PTPN6: variants seen among roughly 807,000 people sequenced by gnomAD.
PTPN6 encodes protein tyrosine phosphatase non-receptor type 6, also known as tyrosine-protein phosphatase non-receptor type 6.
Under a neutral mutation model 81.5 loss-of-function variants are expected in PTPN6, and 18 were observed. The ratio of observed to expected loss-of-function variants is 0.22; its 90% CI spans 0.15 to 0.33. The LOEUF (loss-of-function observed/expected upper bound fraction) is 0.33. Ranked by LOEUF, PTPN6 falls within the 10% of genes least tolerant of loss-of-function variation. PTPN6 has a pLI of 1.00. For missense variants in PTPN6, 500 were observed against 794.2 expected (o/e 0.63, Z 4.45); for synonymous variants, 301 against 310.9 (o/e 0.97, Z 0.33).
At chr12:6,950,709 G>A (rs1458432366), upstream of PTPN6, among the ~76,000 whole-genome samples, 1 of 152,172 alleles carries the variant, frequency 6.6e-6, no homozygotes, top group Non-Finnish European at 1.5e-5. Flanking sequence ...AGCCCCTTTG[G>A]ACAAGGAGGC....
chr12:6,956,189 G>A lies in PTPN6; in HGVS notation c.892G>A (p.Gly298Arg), dbSNP rs782595592. 1.2e-6 allele frequency: 2 copies of A among 1,614,174 alleles called. No individual in the cohort carries two copies. The highest frequency in any genetic ancestry group is 1.1e-5 in the South Asian group (1 of 91,084). ...GCAGGGACGGGACAGTAACATCCCC[G>A]GGTCCGACTACATCAATGCCAACTA... Reference protein sequence around the residue: ...ILQGRDSNIPGSDYINANYIK... With the variant: ...ILQGRDSNIPRSDYINANYIK... The change falls in exon 8 of 16, where the codon GGG becomes AGG. Residue 298 changes from glycine to arginine, a missense_variant. Coordinates refer to ENST00000318974, the MANE Select transcript of PTPN6 (RefSeq NM_002831.6). The surrounding 1 kb of genome is among the most constrained non-coding windows in gnomAD (Gnocchi z 4.1).
In PTPN6 at chr12:6,961,181, C is replaced by T; in HGVS notation, c.*81C>T. On this transcript the variant is annotated 3_prime_UTR_variant, in exon 16 of 16. Coordinates refer to ENST00000318974, the MANE Select transcript of PTPN6 (RefSeq NM_002831.6). ...CGATGGACAGACTCACAACCTGAAC[C>T]TAGGAGTGCCCCATTCTTTTGTAAT... 1 of 569,906 alleles carries T rather than the reference C, an allele frequency of 1.8e-6. No homozygotes were observed. The highest frequency in any genetic ancestry group is 3.1e-6 in the Non-Finnish European group (1 of 327,226). 35.3% of individuals were successfully genotyped at this position (569,906 alleles called of 1,614,324 possible). A position where few individuals can be genotyped will look rare whatever the true frequency, so the allele number is the denominator to read the frequency against.
chr12:6,950,062 G>A (rs113047371), upstream of PTPN6, among the ~76,000 whole-genome samples: 1,493 of 143,944 alleles, frequency 0.01, 19 homozygotes, highest in African/African-American at 0.039. Context: ...TTACAGGCGT[G>A]AGCCACTGCG....
At position 6,959,617 on chromosome 12, in the gene PTPN6, G is replaced by C; in HGVS notation, c.1362-310G>C. On this transcript the variant is annotated intron_variant, in intron 11 of 15. Coordinates refer to ENST00000318974, the MANE Select transcript of PTPN6 (RefSeq NM_002831.6). This position sits in a 1 kb window ranked among gnomAD's most constrained non-coding sequence, Gnocchi z 6.6. Reference sequence around the variant, plus strand: ...CCGGCAGGACAGTGGTGGGATTTGGGGGTCCCAGGTCTTCCGGGGTGGGGG... The same window carrying C: ...CCGGCAGGACAGTGGTGGGATTTGGCGGTCCCAGGTCTTCCGGGGTGGGGG... 5 of 546,796 alleles carry C rather than the reference G, an allele frequency of 9.1e-6. No homozygotes were observed. Among genetic ancestry groups the C allele is most frequent in the Non-Finnish European group, 1.7e-5 (5 of 302,866 alleles). 33.9% of individuals were successfully genotyped at this position (546,796 alleles called of 1,614,324 possible).
chr12:6,960,075 GC>G lies in PTPN6; in HGVS notation c.1430-7del, dbSNP rs782262531. 3.1e-6 allele frequency: 5 copies of G among 1,613,482 alleles called. No homozygotes were observed. The South Asian group carries it at 4.4e-5, about 14-fold the overall frequency. On this transcript the variant is annotated splice_polypyrimidine_tract_variant and intron_variant, in intron 12 of 15. Transcript: ENST00000318974. This position sits in a 1 kb window ranked among gnomAD's most constrained non-coding sequence, Gnocchi z 6.1. ...CTATGCCTGGACCTGAGGTTTGACT[GC>G]CCCCCACCCAGGCCTGGACTGTGAC...
chr12:6,954,167 C>A lies in PTPN6; in HGVS notation c.327-638C>A, dbSNP rs781875618. On this transcript the variant is annotated intron_variant, in intron 3 of 15. Coordinates refer to ENST00000318974, the MANE Select transcript of PTPN6 (RefSeq NM_002831.6). This position sits in a 1 kb window ranked among gnomAD's most constrained non-coding sequence, Gnocchi z 5.4. The stretch of plus-strand genomic sequence containing the variant: ...GACATCATCCAGGGCACCCCAGAAC[C>A]CCCTACACCACTCTTTCCCCAGTGG... 6.6e-6 allele frequency among the ~76,000 whole-genome samples: 1 copy of A among 152,024 alleles called. No individual in the cohort carries two copies. Among genetic ancestry groups the A allele is most frequent in the Non-Finnish European group, 1.5e-5 (1 of 67,990 alleles).
At position 6,960,022 on chromosome 12, in the gene PTPN6, G is replaced by A. The variant is rs1047998300; in HGVS notation, c.1429+28G>A. On this transcript the variant is annotated intron_variant, in intron 12 of 15. Coordinates refer to ENST00000318974, the MANE Select transcript of PTPN6 (RefSeq NM_002831.6). The surrounding 1 kb of genome is among the most constrained non-coding windows in gnomAD (Gnocchi z 6.1). ...GAGGGGCACCTGGGGGTTTGGGGGT[G>A]GGGGGTGAGCAGCCCCTCGGTGTCC... is the stretch of plus-strand genomic sequence containing the variant. The A allele has an allele frequency of 3.1e-6, 5 of 1,611,274 alleles. No individual in the cohort carries two copies. Among genetic ancestry groups the A allele is most frequent in the Admixed American group, 1.7e-5 (1 of 60,012 alleles).
chr12:6,950,435 C>A (rs1174083366), upstream of PTPN6, among the ~76,000 whole-genome samples: 2 of 151,074 alleles, frequency 1.3e-5, no homozygotes, highest in East Asian at 3.9e-4. Context: ...TAAGATCAAC[C>A]AGCCCTGAGA....
intron 3 of PTPN6, among the ~76,000 whole-genome samples, chr12:6,953,980 G>C (rs1341161308): frequency 6.6e-6 from 1 of 152,194 alleles, no homozygotes; most frequent in Non-Finnish European, 1.5e-5. Context: ...TCCCCAGAAG[G>C]AGTTTTGTGT....
Position 6,955,631 on chromosome 12 carries a change from T to C in PTPN6, c.748-29T>C, listed in dbSNP as rs782350431. 32 of 1,607,092 alleles carry C rather than the reference T, an allele frequency of 2.0e-5. No individual in the cohort carries two copies. Among genetic ancestry groups the C allele is most frequent in the Non-Finnish European group, 2.6e-5 (30 of 1,173,868 alleles). ...CCCGATGGATGCCCTCTTTGGGAGC[T>C]GATGCTCATTTCCCCACCCACATCT... On this transcript the variant is annotated intron_variant, in intron 6 of 15. Transcript: ENST00000318974. The surrounding 1 kb of genome is among the most constrained non-coding windows in gnomAD (Gnocchi z 7.2).
At chr12:6,947,157 T>C (rs1252880481), upstream of PTPN6, among the ~76,000 whole-genome samples, 1 of 152,196 alleles carries the variant, frequency 6.6e-6, no homozygotes, top group Non-Finnish European at 1.5e-5. Flanking sequence ...CTTCTTTGTT[T>C]CCTTTCACTT....
rs782226517 is a variant in PTPN6 at position 6,960,423 on chromosome 12, G to C, written c.1661G>C (p.Arg554Pro). 1 of 1,613,606 alleles carries C rather than the reference G, an allele frequency of 6.2e-7. No individual in the cohort carries two copies. The highest frequency in any genetic ancestry group is 1.1e-5 in the South Asian group (1 of 91,074). The change falls in exon 14 of 16, where the codon CGC (arginine) becomes CCC (proline). Residue 554 changes from arginine to proline, a missense_variant. By Grantham distance (103) the Arg-to-Pro change is moderately radical (BLOSUM62 -2). This residue lies in a region of PTPN6 where 56 missense variants were observed against 56.4 expected (regional missense o/e 0.99). Coordinates refer to ENST00000318974, the MANE Select transcript of PTPN6 (RefSeq NM_002831.6). The surrounding 1 kb of genome is among the most constrained non-coding windows in gnomAD (Gnocchi z 6.1). The stretch of plus-strand genomic sequence containing the variant: ...AAGAATGCCCATGCCAAGGCCTCCC[G>C]CACCTCGTCCAAGTGAGTGGCCCTG... ...AMKNAHAKAS[R>P]TSSKHKEDVY...
chr12:6,955,011 G>T lies in PTPN6; in HGVS notation c.516+17G>T, dbSNP rs200182921. ...ATGTGCGAGGTAAGGCAGCCAGGCG[G>T]CGGGGGAGCCTCTGCTGAGGCTCCT... On this transcript the variant is annotated intron_variant, in intron 4 of 15. Transcript: ENST00000318974. The surrounding 1 kb of genome is among the most constrained non-coding windows in gnomAD (Gnocchi z 7.2). The T allele has an allele frequency of 2.5e-6, 4 of 1,613,796 alleles. No individual in the cohort carries two copies. Among genetic ancestry groups the T allele is most frequent in the Non-Finnish European group, 3.4e-6 (4 of 1,179,972 alleles).
chr12:6,957,216 G>T lies in PTPN6; in HGVS notation c.1075-438G>T, dbSNP rs782774754. 6.6e-6 allele frequency among the ~76,000 whole-genome samples: 1 copy of T among 152,322 alleles called. No homozygotes were observed. Among genetic ancestry groups the T allele is most frequent in the South Asian group, 2.1e-4 (1 of 4,822 alleles). On this transcript the variant is annotated intron_variant, in intron 9 of 15. Transcript: ENST00000318974. This position sits in a 1 kb window ranked among gnomAD's most constrained non-coding sequence, Gnocchi z 6.5. Reference sequence around the variant, plus strand: ...TCGTTTTTGAAGACACAGCCGGAGCGCTGCCTCCTCTGTGAATCCAGGTCT... The same window carrying T: ...TCGTTTTTGAAGACACAGCCGGAGCTCTGCCTCCTCTGTGAATCCAGGTCT...
At chr12:6,947,668 CA>C (rs112544780), upstream of PTPN6, among the ~76,000 whole-genome samples, 2,978 of 64,814 alleles carry the variant, frequency 0.046, 76 homozygotes, top group African/African-American at 0.14. Flanking sequence ...GACCTTGTCT[CA>C]AAAAAAAAAA....
Position 6,951,578 on chromosome 12 carries a change from C to A in PTPN6, c.9-31C>A. ...CAAGGGTGCCTGGTGCCCACGGGAC[C>A]CCTCCTCACTGCCCTGCCTGGGCCG... On this transcript the variant is annotated intron_variant, in intron 1 of 15. Transcript: ENST00000318974. This position sits in a 1 kb window ranked among gnomAD's most constrained non-coding sequence, Gnocchi z 7.2. 1 of 1,613,826 alleles carries A rather than the reference C, an allele frequency of 6.2e-7. No homozygotes were observed.
rs782055889 is a variant in PTPN6 at position 6,960,617 on chromosome 12, G to T, written c.1673+182G>T. 6.7e-7 allele frequency: 1 copy of T among 1,498,220 alleles called. No individual in the cohort carries two copies. The highest frequency in any genetic ancestry group is 1.4e-5 in the African/African-American group (1 of 71,988). The allele number at this position is 1,498,220 out of a possible 1,614,324, so 92.8% of individuals were successfully genotyped here. A position where few individuals can be genotyped will look rare whatever the true frequency, so the allele number is the denominator to read the frequency against. On this transcript the variant is annotated intron_variant, in intron 14 of 15. Coordinates refer to ENST00000318974, the MANE Select transcript of PTPN6 (RefSeq NM_002831.6). This position sits in a 1 kb window ranked among gnomAD's most constrained non-coding sequence, Gnocchi z 6.1. ...GCCCACACGTGTGGGCCTCTGCTAG[G>T]TACCAGCAGCGCACTCGTGTATGAG... is the stretch of plus-strand genomic sequence containing the variant.
rs1176268901 is a variant in PTPN6 at position 6,955,643 on chromosome 12, C to T, written c.748-17C>T. 9 of 1,612,038 alleles carry T rather than the reference C, an allele frequency of 5.6e-6. No individual in the cohort carries two copies. The highest frequency in any genetic ancestry group is 7.6e-6 in the Non-Finnish European group (9 of 1,178,314). On this transcript the variant is annotated splice_polypyrimidine_tract_variant and intron_variant, in intron 6 of 15. Coordinates refer to ENST00000318974, the MANE Select transcript of PTPN6 (RefSeq NM_002831.6). The surrounding 1 kb of genome is among the most constrained non-coding windows in gnomAD (Gnocchi z 7.2). ...CCTCTTTGGGAGCTGATGCTCATTT[C>T]CCCACCCACATCTCAGAGTTTGCAG...
At position 6,956,660 on chromosome 12, in the gene PTPN6, C is replaced by A; in HGVS notation, c.1074+92C>A. On this transcript the variant is annotated intron_variant, in intron 9 of 15. Transcript: ENST00000318974. This position sits in a 1 kb window ranked among gnomAD's most constrained non-coding sequence, Gnocchi z 4.1. The stretch of plus-strand genomic sequence containing the variant: ...GTCAGATGCCAGGGCAGAAAGGGAT[C>A]TCAGGGGTGAGGGTCCGGCCCTTGT... 6.5e-7 allele frequency: 1 copy of A among 1,546,466 alleles called. No homozygotes were observed.
Sources: allele counts gnomAD v4.1 joint callset (sites outside exome capture counted in the v4.1 genomes callset), GRCh38; gene constraint gnomAD v4.1.1; regional missense constraint gnomAD v4.1.1; non-coding constraint Gnocchi (gnomAD v3.1); transcripts MANE v1.5; gene names NCBI Gene and HGNC (gene_info 2026-07-23, HGNC 2026-07-21).